The following BRSK2 variants were observed in gnomAD, a reference collection of about 807,000 sequenced individuals.
BRSK2 encodes the protein serine/threonine-protein kinase BRSK2.
BRSK2 carries 19 observed loss-of-function variants against 83.3 expected under a neutral mutation model. The ratio of observed to expected loss-of-function variants is 0.23; its 90% CI spans 0.16 to 0.33. The LOEUF (loss-of-function observed/expected upper bound fraction) is 0.33, where lower values mean the gene tolerates loss of function less well. BRSK2 is among the 10% of genes least tolerant of loss of function. The probability of loss-of-function intolerance (pLI) is 1.00; values close to 1 mark genes in which losing one functional copy is unlikely to be tolerated. For missense variants in BRSK2, 798 were observed against 1,042.3 expected (o/e 0.77, Z 3.23); for synonymous variants, 519 against 435.4 (o/e 1.19, Z -2.39).
rs2133125134 is a variant in BRSK2, at chr11:1,445,805, AGCG to A, written c.1130_1132del (p.Arg377del). ...TCCCCGATGCTGAACCGGCACGGCA[AGCG>A]GCGGCCAGAACGCAAATCCATGGAG... On this transcript the variant is annotated inframe_deletion, in exon 12 of 20. Coordinates refer to ENST00000528841, the MANE Select transcript of BRSK2 (RefSeq NM_001256627.2). 1 of 1,612,450 alleles carries A rather than the reference AGCG, an allele frequency of 6.2e-7. No homozygotes were observed. Among genetic ancestry groups the A allele is most frequent in the Non-Finnish European group, 8.5e-7 (1 of 1,179,696 alleles).
chr11:1,450,299 C>T (rs539023242), intron 13 of BRSK2, among the ~76,000 whole-genome samples: 1 of 152,120 alleles, frequency 6.6e-6, no homozygotes, highest in South Asian at 2.1e-4. Flanking sequence ...CTCCACGGAG[C>T]CCGAAGCTTG....
chr11:1,406,514 C>T (rs1017878905), intron 1 of BRSK2, among the ~76,000 whole-genome samples: 1 of 152,236 alleles, frequency 6.6e-6, no homozygotes, highest in African/African-American at 2.4e-5. Context: ...GTCCCTGCCA[C>T]TCAGGACCCC....
At chr11:1,447,888 C>A in intron 12 of BRSK2, 1 of 1,581,518 alleles carries the variant, frequency 6.3e-7, no homozygotes. Context: ...CACCCGTCCC[C>A]GCACCTCCCA....
intron 1 of BRSK2, among the ~76,000 whole-genome samples, chr11:1,412,868 C>T (rs368201822): frequency 2.3e-4 from 35 of 152,266 alleles, no homozygotes; most frequent in African/African-American, 7.0e-4. Context: ...CCAGGCCCGT[C>T]GGGTCTCTGG....
At chr11:1,403,783 C>T (rs1048415997) in intron 1 of BRSK2, among the ~76,000 whole-genome samples, 3 of 152,138 alleles carry the variant, frequency 2.0e-5, no homozygotes, top group Non-Finnish European at 4.4e-5. Flanking sequence ...CTCCTGGTGG[C>T]GTTGGATAAA....
intron 18 of BRSK2, among the ~76,000 whole-genome samples, chr11:1,458,755 C>G (rs4963046): frequency 0.41 from 62,475 of 152,054 alleles, 13,641 homozygotes; most frequent in African/African-American, 0.54. Context: ...GGAAGAGGGC[C>G]GAGGAAGAGG....
chr11:1,460,294 C>T (rs1847263238), intron 19 of BRSK2, among the ~76,000 whole-genome samples: 1 of 152,178 alleles, frequency 6.6e-6, no homozygotes, highest in Admixed American at 6.5e-5. Context: ...CTGCCGGCCG[C>T]CGCCTGCCCA....
intron 8 of BRSK2, 121 bp from the exon 9 acceptor site, chr11:1,444,850 T>A: frequency 1.2e-5 from 9 of 769,372 alleles, no homozygotes; most frequent in African/African-American, 7.2e-5. Context: ...CCCCACTCAC[T>A]TGCCCTCACC....
intron 12 of BRSK2, among the ~76,000 whole-genome samples, chr11:1,449,515 C>T (rs184602052): frequency 1.2e-3 from 189 of 152,306 alleles, no homozygotes; most frequent in Middle Eastern, 3.4e-3. Context: ...TGTCTGATGC[C>T]GTATCCTGTG....
At chr11:1,456,739 C>T in intron 18 of BRSK2, 52 bp downstream of exon 18, 2 of 1,535,498 alleles carry the variant, frequency 1.3e-6, no homozygotes, top group Non-Finnish European at 1.8e-6. Flanking sequence ...GGGGCGTGGC[C>T]AGCTGGTGCT....
At chr11:1,437,367 C>T (rs2133026485) in intron 2 of BRSK2, among the ~76,000 whole-genome samples, 1 of 152,334 alleles carries the variant, frequency 6.6e-6, no homozygotes, top group Non-Finnish European at 1.5e-5. Flanking sequence ...CTCCTGAGGG[C>T]TGGGACCCCA....
intron 1 of BRSK2, among the ~76,000 whole-genome samples, chr11:1,414,584 T>C (rs1847895938): frequency 6.6e-6 from 1 of 152,240 alleles, no homozygotes; most frequent in African/African-American, 2.4e-5. Flanking sequence ...TGTAGGGTGA[T>C]AAAAAGTAGA....
At chr11:1,416,722 C>T (rs559909175) in intron 1 of BRSK2, among the ~76,000 whole-genome samples, 1 of 152,226 alleles carries the variant, frequency 6.6e-6, no homozygotes, top group Admixed American at 6.5e-5. Context: ...TTCTTTTTAT[C>T]CTTCGGTTTT....
intron 12 of BRSK2, chr11:1,447,851 G>A (rs773661129): frequency 1.3e-6 from 2 of 1,596,782 alleles, no homozygotes; most frequent in East Asian, 2.2e-5. Context: ...CCCCAATTCA[G>A]CAAAGAAGAC....
chr11:1,454,345 T>G lies in BRSK2; in HGVS notation c.1545-140T>G. ...GGGCGTTGGGGTCAGGGCCATGGGT[T>G]CTGGCTAGCACTGTGGAGACAGCCG... On this transcript the variant is annotated intron_variant, in intron 15 of 19. Transcript: ENST00000528841. The surrounding 1 kb of genome is among the most constrained non-coding windows in gnomAD (Gnocchi z 5.2). 9.7e-7 allele frequency: 1 copy of G among 1,025,874 alleles called. No homozygotes were observed. The allele number at this position is 1,025,874 out of a possible 1,614,324, so 63.5% of individuals were successfully genotyped here.
chr11:1,424,737 C>T (rs974832479), intron 1 of BRSK2, among the ~76,000 whole-genome samples: 16 of 151,208 alleles, frequency 1.1e-4, no homozygotes, highest in South Asian at 2.1e-4. Flanking sequence ...CAGAGGGAGT[C>T]GGGGGGGCCA....
Position 1,438,259 on chromosome 11 carries a change from G to A in BRSK2, c.187-47G>A, listed in dbSNP as rs375620743. Reference sequence around the variant, plus strand: ...AGGCAGTGTCTGTGGGGAGCGATGCGTGCCCCAGCCCTGTGAGCGTGATGT... The same window carrying A: ...AGGCAGTGTCTGTGGGGAGCGATGCATGCCCCAGCCCTGTGAGCGTGATGT... On this transcript the variant is annotated intron_variant, in intron 2 of 19. Transcript: ENST00000528841. This position sits in a 1 kb window ranked among gnomAD's most constrained non-coding sequence, Gnocchi z 6.4. 17 of 1,581,606 alleles carry A rather than the reference G, an allele frequency of 1.1e-5. No individual in the cohort carries two copies. The highest frequency in any genetic ancestry group is 8.1e-5 in the African/African-American group (6 of 74,242).
chr11:1,451,621 C>A (rs1226184346), intron 15 of BRSK2, among the ~76,000 whole-genome samples: 6 of 152,200 alleles, frequency 3.9e-5, no homozygotes, highest in African/African-American at 1.4e-4. Context: ...GGGGAGGAGC[C>A]CCCAGCCCTG....
intron 1 of BRSK2, among the ~76,000 whole-genome samples, chr11:1,406,961 G>C (rs1353178551): frequency 6.6e-6 from 1 of 152,194 alleles, no homozygotes; most frequent in East Asian, 1.9e-4. Context: ...GTGCCTGCCT[G>C]TGCGTGCAAA....
Sources: allele counts gnomAD v4.1 joint callset (sites outside exome capture counted in the v4.1 genomes callset), GRCh38; gene constraint gnomAD v4.1.1; non-coding constraint Gnocchi (gnomAD v3.1); transcripts MANE v1.5; gene names NCBI Gene and HGNC (gene_info 2026-07-23, HGNC 2026-07-21).